ADAP2: variants seen among roughly 807,000 people sequenced by gnomAD.
The protein encoded by ADAP2 is ArfGAP with dual PH domains 2, also known as arf-GAP with dual PH domain-containing protein 2.
Under a neutral mutation model 54.9 loss-of-function variants are expected in ADAP2, and 42 were observed. The observed-to-expected ratio is 0.77, with a 90% CI of 0.60 to 0.99. The LOEUF is 0.99. Ranked by LOEUF, ADAP2 falls within the 50% of genes least tolerant of loss-of-function variation. The pLI, the probability that ADAP2 is intolerant of heterozygous loss-of-function variation, is 0.00. For missense variants in ADAP2, 429 were observed against 480.4 expected, an observed-to-expected ratio of 0.89 and a Z score of 1.00; for synonymous variants, 177 against 180.1, an observed-to-expected ratio of 0.98 and a Z score of 0.14.
chr17:30,957,928 T>G lies in ADAP2; in HGVS notation c.*59T>G, dbSNP rs1598063056. The G allele has an allele frequency of 1.9e-6, 3 of 1,555,212 alleles. No homozygotes were observed. Among genetic ancestry groups the G allele is most frequent in the Non-Finnish European group, 2.6e-6 (3 of 1,135,120 alleles). On this transcript the variant is annotated 3_prime_UTR_variant, in exon 11 of 11. Transcript: ENST00000330889. ...CCTGGAACTCCTTGTGGGAAGAAGT[T>G]TGCACCTCGGCCCTGGCTGCCCACC...
rs367920678 is a variant in ADAP2 at position 30,926,812 on chromosome 17, G to T, written c.226-15G>T. The T allele has an allele frequency of 1.9e-6, 3 of 1,612,272 alleles. No individual in the cohort carries two copies. The highest frequency in any genetic ancestry group is 2.5e-6 in the Non-Finnish European group (3 of 1,178,414). On this transcript the variant is annotated splice_polypyrimidine_tract_variant and intron_variant, in intron 2 of 10. Transcript: ENST00000330889. The stretch of plus-strand genomic sequence containing the variant: ...TCAAGTTCTAATATTACCTCAGGTT[G>T]CTGTTGTCTTGCAGTTTATGATCCA...
chr17:30,944,089 G>C (rs1301229478), intron 5 of ADAP2, among the ~76,000 whole-genome samples: 5 of 152,008 alleles, frequency 3.3e-5, no homozygotes, highest in Non-Finnish European at 4.4e-5. Context: ...CTACTCGAGA[G>C]GCTGAGGCAG....
In ADAP2 at chr17:30,957,937, G is replaced by GGCCCTGGCTGCCCACCATCAGT; in HGVS notation, c.*73_*94dup. 1 of 1,483,046 alleles carries GGCCCTGGCTGCCCACCATCAGT rather than the reference G, an allele frequency of 6.7e-7. No individual in the cohort carries two copies. Among genetic ancestry groups the GGCCCTGGCTGCCCACCATCAGT allele is most frequent in the Non-Finnish European group, 9.3e-7 (1 of 1,074,516 alleles). 91.9% of individuals were successfully genotyped at this position (1,483,046 alleles called of 1,614,324 possible). On this transcript the variant is annotated 3_prime_UTR_variant, in exon 11 of 11. Coordinates refer to ENST00000330889, the MANE Select transcript of ADAP2 (RefSeq NM_018404.3). The stretch of plus-strand genomic sequence containing the variant: ...CCTTGTGGGAAGAAGTTTGCACCTC[G>GGCCCTGGCTGCCCACCATCAGT]GCCCTGGCTGCCCACCATCAGTGCC...
intron 4 of ADAP2, among the ~76,000 whole-genome samples, chr17:30,933,368 A>G (rs1246644378): frequency 6.6e-6 from 1 of 151,864 alleles, no homozygotes; most frequent in African/African-American, 2.4e-5. Flanking sequence ...TTATATTTTT[A>G]GGAGAGTCAG....
intron 5 of ADAP2, among the ~76,000 whole-genome samples, chr17:30,939,658 A>G (rs1912121417): frequency 6.6e-6 from 1 of 151,440 alleles, no homozygotes; most frequent in Non-Finnish European, 1.5e-5. Flanking sequence ...GTAGTCGCAG[A>G]TACTCAGGAG....
chr17:30,923,106 C>A, intron 2 of ADAP2, 36 bp downstream of exon 2: 1 of 1,610,494 alleles, frequency 6.2e-7, no homozygotes, highest in Non-Finnish European at 8.5e-7. Flanking sequence ...CATGGAACTG[C>A]GGGACTGGAG....
chr17:30,953,845 G>T (rs762753575), intron 8 of ADAP2, among the ~76,000 whole-genome samples: 2 of 151,426 alleles, frequency 1.3e-5, no homozygotes, highest in Non-Finnish European at 2.9e-5. Flanking sequence ...CCAAATTCGT[G>T]AACTTTCTTA....
chr17:30,948,007 G>A (rs1266497358), intron 6 of ADAP2, among the ~76,000 whole-genome samples: 1 of 152,096 alleles, frequency 6.6e-6, no homozygotes, highest in Non-Finnish European at 1.5e-5. Context: ...ACAGAAGCAG[G>A]GCTTGGGCTG....
rs1308162040 is a variant in ADAP2, at chr17:30,953,175, T to A, written c.742-113T>A. The A allele has an allele frequency of 9.2e-6, 8 of 867,514 alleles. No individual in the cohort carries two copies. The South Asian group carries it at 1.1e-4, about 12-fold the overall frequency. The allele number at this position is 867,514 out of a possible 1,614,324, so 53.7% of individuals were successfully genotyped here. A position where few individuals can be genotyped will look rare whatever the true frequency, so the allele number is the denominator to read the frequency against. On this transcript the variant is annotated intron_variant, in intron 7 of 10. Coordinates refer to ENST00000330889, the MANE Select transcript of ADAP2 (RefSeq NM_018404.3). ...TTTCCAAATATAATACTGTGAGCCATGAGCGTACATCCTTCCCCATTTCAA... is the reference window on the plus strand; with the variant it reads ...TTTCCAAATATAATACTGTGAGCCAAGAGCGTACATCCTTCCCCATTTCAA...
At position 30,945,025 on chromosome 17, in the gene ADAP2, A is replaced by G. The variant is rs1017172408; in HGVS notation, c.629A>G (p.Asn210Ser). ...TACAGGAGAGATGGCCACACCAGGA[A>G]CCTGTTTGTGTATCATGAAAGTGGG... ...ITYRRDGHTR[N>S]LFVYHESGKE... Residue 210 changes from asparagine (N) to serine (S), a missense_variant, in exon 6 of 11, where the codon AAC becomes AGC. Coordinates refer to ENST00000330889, the MANE Select transcript of ADAP2 (RefSeq NM_018404.3). 6.2e-7 allele frequency: 1 copy of G among 1,613,992 alleles called. No individual in the cohort carries two copies. The highest frequency in any genetic ancestry group is 8.5e-7 in the Non-Finnish European group (1 of 1,179,982).
At chr17:30,953,842 C>T (rs979054328) in intron 8 of ADAP2, among the ~76,000 whole-genome samples, 51 of 151,806 alleles carry the variant, frequency 3.4e-4, no homozygotes, top group African/African-American at 1.2e-3. Flanking sequence ...CAGCCAAATT[C>T]GTGAACTTTC....
At chr17:30,949,177 A>AATAT in intron 6 of ADAP2, 110 bp from the exon 7 acceptor site, 3 of 813,038 alleles carry the variant, frequency 3.7e-6, no homozygotes. Context: ...GCAGGTGCTG[A>AATAT]ATATATGTGC....
At chr17:30,924,017 T>C (rs1258746033) in intron 2 of ADAP2, among the ~76,000 whole-genome samples, 9 of 152,128 alleles carry the variant, frequency 5.9e-5, no homozygotes, top group Non-Finnish European at 1.2e-4. Flanking sequence ...ACCACCAATG[T>C]CACAGCACTG....
In ADAP2 at chr17:30,923,012, C is replaced by T. The variant is rs1333338507; in HGVS notation, c.167C>T (p.Pro56Leu). ...TGCTGCGGCGTCCACCGTAACTTCC[C>T]TGACATCAGCAGAGTTAAATCTGTG... ...LNCCGVHRNF[P>L]DISRVKSVRL... The change falls in exon 2 of 11, where the codon CCT becomes CTT. Residue 56 changes from proline (P) to leucine (L), a missense_variant. By Grantham distance (98) the Pro-to-Leu change is moderately conservative. Transcript: ENST00000330889. 1.2e-6 allele frequency: 2 copies of T among 1,614,140 alleles called. No individual in the cohort carries two copies. The highest frequency in any genetic ancestry group is 1.7e-6 in the Non-Finnish European group (2 of 1,180,028).
At chr17:30,951,589 G>A (rs1172264739) in intron 7 of ADAP2, among the ~76,000 whole-genome samples, 1 of 151,656 alleles carries the variant, frequency 6.6e-6, no homozygotes, top group Non-Finnish European at 1.5e-5. Context: ...TCCTACCTCG[G>A]CCTCCCAAAG....
At chr17:30,923,887 A>G (rs1910836921) in intron 2 of ADAP2, among the ~76,000 whole-genome samples, 1 of 151,596 alleles carries the variant, frequency 6.6e-6, no homozygotes, top group African/African-American at 2.4e-5. Flanking sequence ...AATTTTTAGC[A>G]GAGACGGGGT....
Position 30,921,989 on chromosome 17 carries a change from G to T in ADAP2, c.-26G>T. 7.9e-7 allele frequency: 1 copy of T among 1,259,252 alleles called. No individual in the cohort carries two copies. Among genetic ancestry groups the T allele is most frequent in the South Asian group, 2.9e-5 (1 of 34,354 alleles). 78.0% of individuals were successfully genotyped at this position (1,259,252 alleles called of 1,614,324 possible). On this transcript the variant is annotated 5_prime_UTR_variant, in exon 1 of 11. Coordinates refer to ENST00000330889, the MANE Select transcript of ADAP2 (RefSeq NM_018404.3). ...GCGGAGCGCACGGGCCATGGGCTGA[G>T]CCCCGCTGAGCCCGCCGGGCCGGCC...
At chr17:30,939,200 C>T (rs1203654608) in intron 5 of ADAP2, among the ~76,000 whole-genome samples, 1 of 152,130 alleles carries the variant, frequency 6.6e-6, no homozygotes, top group African/African-American at 2.4e-5. Flanking sequence ...ACCCCAGCAG[C>T]TGCTGCGAGT....
In ADAP2 at chr17:30,957,936, C is replaced by T. The variant is rs1215414433; in HGVS notation, c.*67C>T. 9 of 1,495,706 alleles carry T rather than the reference C, an allele frequency of 6.0e-6. No individual in the cohort carries two copies. Among genetic ancestry groups the T allele is most frequent in the African/African-American group, 1.4e-5 (1 of 72,426 alleles). The allele number at this position is 1,495,706 out of a possible 1,614,324, so 92.7% of individuals were successfully genotyped here. A position where few individuals can be genotyped will look rare whatever the true frequency, so the allele number is the denominator to read the frequency against. ...TCCTTGTGGGAAGAAGTTTGCACCTCGGCCCTGGCTGCCCACCATCAGTGC... is the reference window on the plus strand; with the variant it reads ...TCCTTGTGGGAAGAAGTTTGCACCTTGGCCCTGGCTGCCCACCATCAGTGC... On this transcript the variant is annotated 3_prime_UTR_variant, in exon 11 of 11. Transcript: ENST00000330889.
Sources: gnomAD v4.1 joint callset for allele counts (sites outside exome capture counted in the v4.1 genomes callset) on GRCh38, gnomAD v4.1.1 for gene constraint, MANE v1.5 for transcripts, NCBI Gene and HGNC (gene_info 2026-07-23, HGNC 2026-07-21) for gene names.